Variants in ZBTB38 observed in about 807,000 individuals in gnomAD.
ZBTB38 encodes zinc finger and BTB domain-containing protein 38.
ZBTB38 carries 20 observed loss-of-function variants against 76.8 expected under a neutral mutation model. That is an observed-to-expected ratio of 0.26 (90% CI 0.18 to 0.38). The LOEUF (loss-of-function observed/expected upper bound fraction) is 0.38, where lower values mean the gene tolerates loss of function less well. Among genes scored for constraint, ZBTB38 ranks in the 10% least tolerant of loss-of-function variants. The pLI, the probability that ZBTB38 is intolerant of heterozygous loss-of-function variation, is 1.00. For missense variants in ZBTB38, 1,082 were observed against 1,482.3 expected, an observed-to-expected ratio of 0.73 and a Z score of 4.43; for synonymous variants, 504 against 544.2, an observed-to-expected ratio of 0.93 and a Z score of 1.03.
chr3:141,445,274 G>A lies in ZBTB38; in HGVS notation c.2886G>A (p.Val962=). 1 of 1,614,180 alleles carries A rather than the reference G, an allele frequency of 6.2e-7. No individual in the cohort carries two copies. Among genetic ancestry groups the A allele is most frequent in the Non-Finnish European group, 8.5e-7 (1 of 1,180,028 alleles). Residue 962 remains valine (V), a synonymous_variant, in exon 6 of 6, where the codon GTG becomes GTA. Transcript: ENST00000321464. This position sits in a 1 kb window ranked among gnomAD's most constrained non-coding sequence, Gnocchi z 6.5. ...ACCCAGCAGAACTGGATTGCGCCGT[G>A]GGGAAGGCTCCTCAGGATAAACCCT... ...CKYPAELDCA[V]GKAPQDKPFE...
At chr3:141,333,276 A>G (rs997026826) in intron 1 of ZBTB38, among the ~76,000 whole-genome samples, 2 of 152,168 alleles carry the variant, frequency 1.3e-5, no homozygotes, top group Non-Finnish European at 2.9e-5. Context: ...TTATAGGTAA[A>G]GGAGACCTAG....
At chr3:141,374,524 C>T (rs1945080459) in intron 2 of ZBTB38, among the ~76,000 whole-genome samples, 1 of 152,154 alleles carries the variant, frequency 6.6e-6, no homozygotes, top group Admixed American at 6.5e-5. Flanking sequence ...GTGGACCCCT[C>T]ATCTTTGTCC....
chr3:141,442,501 TTG>T lies in ZBTB38; in HGVS notation c.116_117del (p.Val39GlyfsTer6). On this transcript the variant is annotated frameshift_variant, in exon 6 of 6. Coordinates refer to ENST00000321464, the MANE Select transcript of ZBTB38 (RefSeq NM_001376113.1). LOFTEE classifies it high-confidence loss of function. This position sits in a 1 kb window ranked among gnomAD's most constrained non-coding sequence, Gnocchi z 6.4. ...GGCATTTTATGCGATGTCACTATCA[TTG>T]TGGAAGATACCAAATTTAAAGCCCA... 1 of 1,614,200 alleles carries T rather than the reference TTG, an allele frequency of 6.2e-7. No homozygotes were observed. The highest frequency in any genetic ancestry group is 8.5e-7 in the Non-Finnish European group (1 of 1,180,024).
chr3:141,415,732 G>A (rs1055759838), intron 5 of ZBTB38, among the ~76,000 whole-genome samples: 1 of 152,196 alleles, frequency 6.6e-6, no homozygotes, highest in African/African-American at 2.4e-5. Flanking sequence ...AAGCCCTGCT[G>A]TAGAAATGTA....
intron 1 of ZBTB38, among the ~76,000 whole-genome samples, chr3:141,329,682 TA>T (rs1942785854): frequency 6.6e-6 from 1 of 152,242 alleles, no homozygotes; most frequent in African/African-American, 2.4e-5. Context: ...TCTCATCTTG[TA>T]AAATGGAAGT....
chr3:141,401,216 G>A (rs1951824910), intron 4 of ZBTB38, among the ~76,000 whole-genome samples: 1 of 151,864 alleles, frequency 6.6e-6, no homozygotes, highest in Non-Finnish European at 1.5e-5. Context: ...TTTTTTAAGT[G>A]GGAAGATGAA....
At position 141,443,203 on chromosome 3, in the gene ZBTB38, C is replaced by T. The variant is rs760232220; in HGVS notation, c.815C>T (p.Pro272Leu). The T allele has an allele frequency of 6.2e-7, 1 of 1,614,106 alleles. No homozygotes were observed. The highest frequency in any genetic ancestry group is 1.3e-5 in the African/African-American group (1 of 74,932). Residue 272 changes from proline to leucine, a missense_variant, in exon 6 of 6, where the codon CCA (proline) becomes CTA (leucine). By Grantham distance (98) the Pro-to-Leu change is moderately conservative. Transcript: ENST00000321464. This position sits in a 1 kb window ranked among gnomAD's most constrained non-coding sequence, Gnocchi z 5.6. ...CGGAAGCCAAAGACATTCTCCATACCACAGGATTCGGATTCAGCCACAGAA... is the reference window on the plus strand; with the variant it reads ...CGGAAGCCAAAGACATTCTCCATACTACAGGATTCGGATTCAGCCACAGAA... ...TCRKPKTFSI[P>L]QDSDSATENI...
At chr3:141,337,396 C>T (rs758046172) in intron 1 of ZBTB38, among the ~76,000 whole-genome samples, 2 of 152,194 alleles carry the variant, frequency 1.3e-5, no homozygotes, top group African/African-American at 2.4e-5. Flanking sequence ...CTGGATGAGG[C>T]GTTGCCTGTG....
chr3:141,327,556 G>A (rs1283231281), intron 1 of ZBTB38, among the ~76,000 whole-genome samples: 1 of 152,202 alleles, frequency 6.6e-6, no homozygotes, highest in Admixed American at 6.5e-5. Flanking sequence ...GTGAGAAACT[G>A]TCAAAGCCCA....
intron 3 of ZBTB38, among the ~76,000 whole-genome samples, chr3:141,384,260 G>C (rs1465355640): frequency 2.6e-5 from 4 of 152,190 alleles, no homozygotes; most frequent in Non-Finnish European, 5.9e-5. Flanking sequence ...AGTACCAGTA[G>C]GGGACCTGAC....
chr3:141,409,248 G>A (rs368403131), intron 5 of ZBTB38, among the ~76,000 whole-genome samples: 2 of 152,062 alleles, frequency 1.3e-5, no homozygotes, highest in African/African-American at 4.8e-5. Context: ...GTTTCACCAC[G>A]TTGGCCAGGC....
At chr3:141,333,440 C>T (rs1004098896) in intron 1 of ZBTB38, among the ~76,000 whole-genome samples, 1 of 152,036 alleles carries the variant, frequency 6.6e-6, no homozygotes, top group Non-Finnish European at 1.5e-5. Flanking sequence ...CCTCATGGCT[C>T]CAAAGCCTGC....
chr3:141,439,370 G>A (rs7612543), intron 5 of ZBTB38, among the ~76,000 whole-genome samples: 3 of 151,986 alleles, frequency 2.0e-5, no homozygotes, highest in Non-Finnish European at 4.4e-5. Context: ...AGATATCCCC[G>A]CTGAAAAATG....
intron 1 of ZBTB38, among the ~76,000 whole-genome samples, chr3:141,360,247 C>G (rs1430908629): frequency 6.6e-6 from 1 of 152,116 alleles, no homozygotes; most frequent in African/African-American, 2.4e-5. Context: ...GCTCTGGGAC[C>G]CCACAGTGCT....
chr3:141,338,993 A>G (rs975687017), intron 1 of ZBTB38, among the ~76,000 whole-genome samples: 7 of 152,082 alleles, frequency 4.6e-5, no homozygotes, highest in East Asian at 1.9e-4. Flanking sequence ...TAATAAAGGG[A>G]CAATGAGTTG....
chr3:141,433,624 CTA>C lies in ZBTB38; in HGVS notation c.1-8763_1-8762del, dbSNP rs770155505. Among the ~76,000 whole-genome samples, 313 of 151,072 alleles carry C rather than the reference CTA, an allele frequency of 2.1e-3. 1 individual carries two copies. Among genetic ancestry groups the C allele is most frequent in the African/African-American group, 7.0e-3 (283 of 40,506 alleles). ...TAAAATAACATTTTATTAAAAGTAACTATTTTTTAAAACAAAAAAATAATGAG... is the reference window on the plus strand; with the variant it reads ...TAAAATAACATTTTATTAAAAGTAACTTTTTTAAAACAAAAAAATAATGAG... On this transcript the variant is annotated intron_variant, in intron 5 of 5. Coordinates refer to ENST00000321464, the MANE Select transcript of ZBTB38 (RefSeq NM_001376113.1).
At chr3:141,373,988 G>A (rs1161738948) in intron 2 of ZBTB38, among the ~76,000 whole-genome samples, 1 of 152,032 alleles carries the variant, frequency 6.6e-6, no homozygotes, top group Non-Finnish European at 1.5e-5. Context: ...AAATTAGCTG[G>A]GCTTGGTGGC....
chr3:141,328,240 A>C (rs1309941297), intron 1 of ZBTB38, among the ~76,000 whole-genome samples: 1 of 152,070 alleles, frequency 6.6e-6, no homozygotes, highest in Non-Finnish European at 1.5e-5. Flanking sequence ...CATGTGCATA[A>C]TACCCGACAT....
intron 1 of ZBTB38, among the ~76,000 whole-genome samples, chr3:141,341,426 CG>C (rs1553760215): frequency 6.6e-6 from 1 of 152,108 alleles, no homozygotes; most frequent in Non-Finnish European, 1.5e-5. Context: ...AGAAATAAAC[CG>C]AACGTCCATC....
Sources: allele counts gnomAD v4.1 joint callset (sites outside exome capture counted in the v4.1 genomes callset), GRCh38; gene constraint gnomAD v4.1.1; non-coding constraint Gnocchi (gnomAD v3.1); transcripts MANE v1.5; gene names NCBI Gene and HGNC (gene_info 2026-07-23, HGNC 2026-07-21).